MAGI2: variants seen among roughly 807,000 people sequenced by gnomAD.
MAGI2 encodes the protein membrane associated guanylate kinase, WW and PDZ domain containing 2.
In MAGI2, 35 loss-of-function variants were observed where a neutral mutation model predicts 133.3. The observed-to-expected ratio is 0.26, with a 90% CI of 0.20 to 0.35. The LOEUF is 0.35. MAGI2 is among the 10% of genes least tolerant of loss of function. The pLI, the probability that MAGI2 is intolerant of heterozygous loss-of-function variation, is 1.00. For missense variants in MAGI2, 1,636 were observed against 1,863.4 expected (o/e 0.88, Z 2.25); for synonymous variants, 729 against 710.6 (o/e 1.03, Z -0.41).
At chr7:78,314,908 G>A (rs1051206003) in intron 9 of MAGI2, among the ~76,000 whole-genome samples, 1 of 152,078 alleles carries the variant, frequency 6.6e-6, no homozygotes, top group Admixed American at 6.6e-5. Flanking sequence ...GATAGGACAC[G>A]GATATCAGAG....
intron 2 of MAGI2, among the ~76,000 whole-genome samples, chr7:78,747,991 C>A (rs1823087355): frequency 6.6e-6 from 1 of 152,144 alleles, no homozygotes; most frequent in African/African-American, 2.4e-5. Flanking sequence ...ATCAATGATT[C>A]TCTGAGACAC....
chr7:78,461,448 G>C (rs1790009101), intron 6 of MAGI2, among the ~76,000 whole-genome samples: 1 of 147,392 alleles, frequency 6.8e-6, no homozygotes. Flanking sequence ...CTCTTGGTTA[G>C]AAGAATCAGA....
At chr7:79,139,272 A>C (rs141800477) in intron 1 of MAGI2, among the ~76,000 whole-genome samples, 212 of 152,302 alleles carry the variant, frequency 1.4e-3, no homozygotes, top group African/African-American at 4.9e-3. Context: ...TAAAAGGGTT[A>C]ATCTAATAGT....
At chr7:78,996,573 T>G (rs1471346823) in intron 2 of MAGI2, among the ~76,000 whole-genome samples, 1 of 152,100 alleles carries the variant, frequency 6.6e-6, no homozygotes, top group South Asian at 2.1e-4. Context: ...GCTTAATACC[T>G]GGATGAATGA....
chr7:78,578,995 C>T (rs1276202281), intron 3 of MAGI2, among the ~76,000 whole-genome samples: 2 of 152,158 alleles, frequency 1.3e-5, no homozygotes, highest in African/African-American at 2.4e-5. Context: ...AAACCCTCAC[C>T]GGGGGTTCTA....
intron 1 of MAGI2, among the ~76,000 whole-genome samples, chr7:79,150,911 G>A (rs1315648087): frequency 6.6e-6 from 1 of 151,630 alleles, no homozygotes; most frequent in African/African-American, 2.4e-5. Context: ...CTTAAAATAA[G>A]TTATCTAGTT....
At chr7:78,363,789 A>AAT (rs1793094208) in intron 7 of MAGI2, among the ~76,000 whole-genome samples, 1 of 152,296 alleles carries the variant, frequency 6.6e-6, no homozygotes, top group South Asian at 2.1e-4. Context: ...CCAACTCTGG[A>AAT]ATAAGACCGC....
chr7:78,791,748 C>A (rs1477072947), intron 2 of MAGI2, among the ~76,000 whole-genome samples: 2 of 151,912 alleles, frequency 1.3e-5, no homozygotes, highest in African/African-American at 4.8e-5. Context: ...CAGGGTTTCA[C>A]CATATTGGAC....
intron 6 of MAGI2, among the ~76,000 whole-genome samples, chr7:78,464,709 C>CT (rs1193102343): frequency 6.7e-6 from 1 of 149,398 alleles, no homozygotes; most frequent in African/African-American, 2.5e-5. Context: ...AGGTCAAATA[C>CT]TTTTTTTACA....
At chr7:78,901,689 A>G (rs1391692454) in intron 2 of MAGI2, among the ~76,000 whole-genome samples, 1 of 152,074 alleles carries the variant, frequency 6.6e-6, no homozygotes, top group Admixed American at 6.6e-5. Context: ...TTTTTTAAGT[A>G]AAAGGGCTTC....
chr7:79,210,769 A>G (rs1450578410), intron 1 of MAGI2, among the ~76,000 whole-genome samples: 2 of 152,030 alleles, frequency 1.3e-5, no homozygotes, highest in South Asian at 2.1e-4. Context: ...TCACATTTTC[A>G]ATAAATTATA....
At chr7:79,049,670 CTTG>C (rs1314074946) in intron 1 of MAGI2, among the ~76,000 whole-genome samples, 3 of 151,678 alleles carry the variant, frequency 2.0e-5, no homozygotes, top group African/African-American at 2.4e-5. Context: ...TAAAATCGGC[CTTG>C]TTATTTTTAT....
chr7:78,310,897 T>C (rs943057360), intron 9 of MAGI2, among the ~76,000 whole-genome samples: 3 of 152,192 alleles, frequency 2.0e-5, no homozygotes, highest in African/African-American at 7.2e-5. Context: ...TGGCAGAATA[T>C]TCTTAAAAGC....
intron 20 of MAGI2, among the ~76,000 whole-genome samples, chr7:78,084,514 C>T (rs1816403487): frequency 6.6e-6 from 1 of 152,346 alleles, no homozygotes; most frequent in Non-Finnish European, 1.5e-5. Flanking sequence ...CTCAGCATAC[C>T]TCAAGCTTTC....
At chr7:79,274,077 A>G (rs1835068020) in intron 1 of MAGI2, among the ~76,000 whole-genome samples, 1 of 152,134 alleles carries the variant, frequency 6.6e-6, no homozygotes, top group Non-Finnish European at 1.5e-5. Flanking sequence ...TTAGCCAACA[A>G]AAACACAGGG....
At chr7:78,874,893 T>A (rs1795301106) in intron 2 of MAGI2, among the ~76,000 whole-genome samples, 1 of 152,156 alleles carries the variant, frequency 6.6e-6, no homozygotes. Flanking sequence ...CATAAACATG[T>A]ATAATTATTA....
chr7:79,278,798 A>G (rs2129557774), intron 1 of MAGI2, among the ~76,000 whole-genome samples: 1 of 152,290 alleles, frequency 6.6e-6, no homozygotes, highest in Non-Finnish European at 1.5e-5. Flanking sequence ...CAGTCCTACC[A>G]CCTGCTACTT....
At chr7:79,337,527 T>C (rs1840521646) in intron 1 of MAGI2, among the ~76,000 whole-genome samples, 1 of 152,214 alleles carries the variant, frequency 6.6e-6, no homozygotes, top group South Asian at 2.1e-4. Flanking sequence ...CAGATTTGAA[T>C]GAAGTAATCT....
At chr7:78,681,281 T>C (rs555467255) in intron 2 of MAGI2, among the ~76,000 whole-genome samples, 4 of 152,242 alleles carry the variant, frequency 2.6e-5, no homozygotes, top group Admixed American at 1.3e-4. Context: ...AGTTTGTATA[T>C]GCGGAAGGGA....
Sources: gnomAD v4.1 joint callset for allele counts (sites outside exome capture counted in the v4.1 genomes callset) on GRCh38, gnomAD v4.1.1 for gene constraint, MANE v1.5 for transcripts, NCBI Gene and HGNC (gene_info 2026-07-23, HGNC 2026-07-21) for gene names.